Variants in PARD3B observed in about 807,000 individuals in gnomAD.
PARD3B encodes the protein partitioning defective 3 homolog B.
Under a neutral mutation model 130.2 loss-of-function variants are expected in PARD3B, and 103 were observed. The ratio of observed to expected loss-of-function variants is 0.79; its 90% CI spans 0.67 to 0.93. PARD3B has a LOEUF of 0.93. Ranked by LOEUF, PARD3B falls within the 40% of genes least tolerant of loss-of-function variation. The probability of loss-of-function intolerance (pLI) is 0.00; values close to 1 mark genes in which losing one functional copy is unlikely to be tolerated. For missense variants in PARD3B, 1,609 were observed against 1,499.2 expected (o/e 1.07, Z -1.21); for synonymous variants, 583 against 553.2 (o/e 1.05, Z -0.76).
intron 4 of PARD3B, among the ~76,000 whole-genome samples, chr2:205,073,272 GGT>G (rs2125491230): frequency 6.6e-6 from 1 of 152,034 alleles, no homozygotes; most frequent in Non-Finnish European, 1.5e-5. Flanking sequence ...TGTAAATCAG[GGT>G]GTGTTTTAAA....
At chr2:205,029,084 C>T (rs954929449) in intron 3 of PARD3B, among the ~76,000 whole-genome samples, 22 of 152,098 alleles carry the variant, frequency 1.4e-4, no homozygotes, top group African/African-American at 5.1e-4. Flanking sequence ...TTTCAGCCTA[C>T]TTTATTTAAG....
intron 2 of PARD3B, among the ~76,000 whole-genome samples, chr2:204,722,004 A>C (rs1391309495): frequency 6.6e-6 from 1 of 152,136 alleles, no homozygotes; most frequent in Non-Finnish European, 1.5e-5. Context: ...CTGGCACAAA[A>C]ACACCCAATG....
At chr2:204,936,571 A>G (rs1046027698) in intron 2 of PARD3B, among the ~76,000 whole-genome samples, 1 of 152,166 alleles carries the variant, frequency 6.6e-6, no homozygotes, top group African/African-American at 2.4e-5. Context: ...TTATTGTCCT[A>G]CTTTTACAGA....
At chr2:205,189,673 T>C (rs2036288609) in intron 14 of PARD3B, among the ~76,000 whole-genome samples, 2 of 152,170 alleles carry the variant, frequency 1.3e-5, no homozygotes. Context: ...ACAAACCGTT[T>C]TACTAGTCTA....
chr2:205,374,113 G>T (rs1389524554), intron 18 of PARD3B, among the ~76,000 whole-genome samples: 1 of 151,480 alleles, frequency 6.6e-6, no homozygotes, highest in African/African-American at 2.4e-5. Flanking sequence ...AAGAGAAAGA[G>T]GGAAATGTCT....
chr2:205,308,412 C>T (rs954633870), intron 18 of PARD3B, among the ~76,000 whole-genome samples: 2 of 152,052 alleles, frequency 1.3e-5, no homozygotes, highest in Non-Finnish European at 2.9e-5. Context: ...TGAGACCATC[C>T]TGGCTAACAT....
intron 2 of PARD3B, among the ~76,000 whole-genome samples, chr2:204,803,163 A>AATATATATATATAT (rs1553528189): frequency 1.1e-5 from 1 of 90,786 alleles, no homozygotes; most frequent in African/African-American, 3.7e-5. Context: ...AAAAAAAAAA[A>AATATATATATATAT]ATATATATAT....
In PARD3B at chr2:205,231,979, G is replaced by A. The variant is rs114372969; in HGVS notation, c.2141-13799G>A. ...GTTTGTTCCCACCCACAAGATTGGAGAAAATATCTCATAATCCGTAGGACA... is the reference window on the plus strand; with the variant it reads ...GTTTGTTCCCACCCACAAGATTGGAAAAAATATCTCATAATCCGTAGGACA... On this transcript the variant is annotated intron_variant, in intron 15 of 22. Coordinates refer to ENST00000406610, the MANE Select transcript of PARD3B (RefSeq NM_001302769.2). 6.9e-3 allele frequency among the ~76,000 whole-genome samples: 1,054 copies of A among 152,332 alleles called. 15 individuals are homozygous for A. Among genetic ancestry groups the A allele is most frequent in the African/African-American group, 0.024 (997 of 41,566 alleles).
chr2:205,150,678 G>A (rs544159105), intron 10 of PARD3B, among the ~76,000 whole-genome samples: 1 of 152,276 alleles, frequency 6.6e-6, no homozygotes, highest in East Asian at 1.9e-4. Flanking sequence ...CTTGGGTGGA[G>A]AATGTAAATG....
intron 4 of PARD3B, among the ~76,000 whole-genome samples, chr2:205,089,735 T>A (rs17283915): frequency 0.15 from 22,307 of 152,250 alleles, 2,051 homozygotes; most frequent in Middle Eastern, 0.23. Context: ...TTTGTTCAAC[T>A]TTTTTGTATC....
chr2:204,830,818 G>A (rs1158729495), intron 2 of PARD3B, among the ~76,000 whole-genome samples: 3 of 152,172 alleles, frequency 2.0e-5, no homozygotes, highest in African/African-American at 4.8e-5. Flanking sequence ...TTAGAGAGAA[G>A]GGAATTTAGC....
intron 18 of PARD3B, among the ~76,000 whole-genome samples, chr2:205,332,465 G>A (rs2043172286): frequency 6.6e-6 from 1 of 152,190 alleles, no homozygotes; most frequent in African/African-American, 2.4e-5. Flanking sequence ...AGAAGAAAGA[G>A]GGGAGGGAGA....
intron 18 of PARD3B, among the ~76,000 whole-genome samples, chr2:205,331,782 CAA>C (rs56654511): frequency 0.014 from 693 of 48,360 alleles, 6 homozygotes; most frequent in African/African-American, 0.032. Flanking sequence ...GACTCCGTCT[CAA>C]AAAAAAAAAA....
chr2:205,346,768 A>G (rs893650463), intron 18 of PARD3B, among the ~76,000 whole-genome samples: 4 of 152,160 alleles, frequency 2.6e-5, no homozygotes, highest in Admixed American at 1.3e-4. Context: ...GATCTTTGCC[A>G]CATTTTTCCT....
At chr2:205,052,265 C>T (rs552064887) in intron 4 of PARD3B, among the ~76,000 whole-genome samples, 78 of 151,474 alleles carry the variant, frequency 5.1e-4, no homozygotes, top group African/African-American at 1.4e-3. Flanking sequence ...TCCTGCAGGG[C>T]GAGAAAATTA....
intron 15 of PARD3B, among the ~76,000 whole-genome samples, chr2:205,239,388 T>C (rs2125910641): frequency 6.6e-6 from 1 of 152,272 alleles, no homozygotes; most frequent in African/African-American, 2.4e-5. Flanking sequence ...ATCTTTTTCT[T>C]AATGAAACTA....
intron 2 of PARD3B, among the ~76,000 whole-genome samples, chr2:204,737,726 T>C (rs1011709830): frequency 1.3e-5 from 2 of 152,332 alleles, no homozygotes; most frequent in South Asian, 4.1e-4. Context: ...TTTAAGTCTT[T>C]GGTCTATCTT....
At chr2:205,478,432 A>G (rs112853804) in intron 20 of PARD3B, among the ~76,000 whole-genome samples, 7 of 152,268 alleles carry the variant, frequency 4.6e-5, no homozygotes, top group African/African-American at 1.7e-4. Flanking sequence ...GGTTTTCTAC[A>G]TTGTCTGCTG....
chr2:204,876,107 A>G (rs1000152908), intron 2 of PARD3B, among the ~76,000 whole-genome samples: 2 of 152,200 alleles, frequency 1.3e-5, no homozygotes, highest in African/African-American at 4.8e-5. Flanking sequence ...TTTCGGAAAC[A>G]GAGTGGTGTA....
Sources: allele counts gnomAD v4.1 joint callset (sites outside exome capture counted in the v4.1 genomes callset), GRCh38; gene constraint gnomAD v4.1.1; transcripts MANE v1.5; gene names NCBI Gene and HGNC (gene_info 2026-07-23, HGNC 2026-07-21).